Variants in MCF2L2 observed in about 807,000 individuals in gnomAD.
MCF2L2 encodes the protein MCF.2 cell line derived transforming sequence-like 2.
Under a neutral mutation model 150.2 loss-of-function variants are expected in MCF2L2, and 102 were observed. That is an observed-to-expected ratio of 0.68 (90% CI 0.58 to 0.80). MCF2L2 has a LOEUF of 0.80. MCF2L2 is among the 30% of genes least tolerant of loss of function. The pLI is 0.00. For missense variants in MCF2L2, 1,256 were observed against 1,372.8 expected (o/e 0.91, Z 1.34); for synonymous variants, 465 against 491.3 (o/e 0.95, Z 0.71).
At chr3:183,423,850 G>A (rs933073176) in intron 1 of MCF2L2, among the ~76,000 whole-genome samples, 1 of 151,882 alleles carries the variant, frequency 6.6e-6, no homozygotes, top group Non-Finnish European at 1.5e-5. Context: ...CTGAACTCCC[G>A]ACCTCAGGTG....
At chr3:183,218,503 CG>C (rs1723027852) in intron 21 of MCF2L2, among the ~76,000 whole-genome samples, 1 of 151,886 alleles carries the variant, frequency 6.6e-6, no homozygotes, top group South Asian at 2.1e-4. Context: ...GGCGTGGTGG[CG>C]GGTGCCTGTA....
chr3:183,295,465 T>C lies in MCF2L2; in HGVS notation c.1510A>G (p.Lys504Glu). The C allele has an allele frequency of 6.2e-7, 1 of 1,614,080 alleles. No individual in the cohort carries two copies. The highest frequency in any genetic ancestry group is 8.5e-7 in the Non-Finnish European group (1 of 1,179,996). Residue 504 changes from lysine to glutamate, a missense_variant, in exon 13 of 30, where the codon AAA becomes GAA. By Grantham distance (56) the Lys-to-Glu change is moderately conservative. Coordinates refer to ENST00000328913, the MANE Select transcript of MCF2L2 (RefSeq NM_015078.4). ...LTLDAKAKAQ[K>E]VLQRLDDVQE... is the part of the protein sequence containing the mutation. ...ACATCATCCAGCCTCTGCAAAACTT[T>C]CTGGGCTTTGGCCTACAGTAACAAA...
intron 22 of MCF2L2, 91 bp downstream of exon 22, chr3:183,215,878 G>A (rs1188335884): frequency 1.8e-5 from 26 of 1,439,342 alleles, no homozygotes; most frequent in East Asian, 1.5e-4. Context: ...TACCATAGAC[G>A]ATCTCTCTGA....
intron 9 of MCF2L2, 118 bp downstream of exon 9, chr3:183,310,797 T>G: frequency 1.5e-6 from 1 of 670,044 alleles, no homozygotes; most frequent in Non-Finnish European, 2.6e-6. Context: ...AGCAAGGAGA[T>G]AAGGAGAAAG....
intron 7 of MCF2L2, among the ~76,000 whole-genome samples, chr3:183,313,343 AG>A (rs1729464286): frequency 1.3e-5 from 2 of 152,184 alleles, no homozygotes; most frequent in Non-Finnish European, 2.9e-5. Flanking sequence ...GAGACACTGG[AG>A]GGGGAAGCTG....
chr3:183,281,594 C>G (rs1322390868), intron 14 of MCF2L2, among the ~76,000 whole-genome samples: 3 of 152,088 alleles, frequency 2.0e-5, no homozygotes, highest in Non-Finnish European at 2.9e-5. Flanking sequence ...ACAACTATTT[C>G]CAGGAGAGTT....
At chr3:183,282,694 A>G (rs1319951205) in intron 14 of MCF2L2, among the ~76,000 whole-genome samples, 1 of 152,224 alleles carries the variant, frequency 6.6e-6, no homozygotes, top group Non-Finnish European at 1.5e-5. Context: ...AGCTCCATGG[A>G]TAAATTTCAT....
intron 3 of MCF2L2, among the ~76,000 whole-genome samples, chr3:183,367,940 C>T (rs1317394035): frequency 6.6e-6 from 1 of 152,156 alleles, no homozygotes. Context: ...ATGGAGCTAA[C>T]CACCATTATA....
At chr3:183,258,938 T>C (rs144906089) in intron 15 of MCF2L2, among the ~76,000 whole-genome samples, 6 of 152,326 alleles carry the variant, frequency 3.9e-5, no homozygotes, top group African/African-American at 9.6e-5. Flanking sequence ...TAATGCAATA[T>C]AAATGCTATG....
chr3:183,417,141 A>T (rs1168802236), intron 1 of MCF2L2, among the ~76,000 whole-genome samples: 1 of 142,348 alleles, frequency 7.0e-6, no homozygotes, highest in Non-Finnish European at 1.5e-5. Context: ...AAAAAAAAAA[A>T]AAAATGGTAA....
chr3:183,216,172 A>G, intron 21 of MCF2L2, 78 bp from the exon 22 acceptor site: 1 of 1,523,128 alleles, frequency 6.6e-7, no homozygotes, highest in African/African-American at 1.4e-5. Context: ...GACAGAGATG[A>G]GGAGCCAGGG....
At chr3:183,348,683 TACACCATGCTATCACTAGTCATAAGAA>T (rs1385017565) in intron 3 of MCF2L2, among the ~76,000 whole-genome samples, 5 of 152,174 alleles carry the variant, frequency 3.3e-5, no homozygotes, top group Admixed American at 2.0e-4. Flanking sequence ...TAGTAAAACA[TACACCATGCTATCACTAGTCATAAGAA>T]AGCCAATGTG....
At chr3:183,351,209 TATATATATATATATATATATATATA>T (rs1560034880) in intron 3 of MCF2L2, among the ~76,000 whole-genome samples, 6 of 78,764 alleles carry the variant, frequency 7.6e-5, no homozygotes, top group Non-Finnish European at 1.4e-4. Flanking sequence ...TATATATATA[TATATATATATATATATATATATATA>T]TATTTATTTA....
At chr3:183,199,555 A>G (rs2108640642) in intron 25 of MCF2L2, among the ~76,000 whole-genome samples, 1 of 152,274 alleles carries the variant, frequency 6.6e-6, no homozygotes, top group East Asian at 1.9e-4. Flanking sequence ...TCTTTGTGAA[A>G]GCATGGAAAA....
chr3:183,216,754 G>A (rs1427578566), intron 21 of MCF2L2, among the ~76,000 whole-genome samples: 16 of 149,776 alleles, frequency 1.1e-4, no homozygotes, highest in South Asian at 6.3e-4. Flanking sequence ...ACAGGTGTGC[G>A]CCACCATGCC....
At chr3:183,413,745 C>G (rs113384678) in intron 1 of MCF2L2, among the ~76,000 whole-genome samples, 2,210 of 152,312 alleles carry the variant, frequency 0.015, 53 homozygotes, top group African/African-American at 0.05. Context: ...AATAAATCAG[C>G]TTGCCTGAAC....
At chr3:183,303,463 T>C (rs2108501545) in intron 10 of MCF2L2, among the ~76,000 whole-genome samples, 1 of 152,306 alleles carries the variant, frequency 6.6e-6, no homozygotes, top group South Asian at 2.1e-4. Flanking sequence ...TGCACTGCTT[T>C]AGCTGTTTAC....
intron 15 of MCF2L2, among the ~76,000 whole-genome samples, chr3:183,231,828 C>G (rs753616742): frequency 1.6e-4 from 24 of 152,142 alleles, no homozygotes; most frequent in Admixed American, 2.6e-4. Flanking sequence ...TAGCTCCTTC[C>G]TCTGGCATTG....
chr3:183,255,841 A>T (rs1201510169), intron 15 of MCF2L2, among the ~76,000 whole-genome samples: 2 of 152,056 alleles, frequency 1.3e-5, no homozygotes, highest in African/African-American at 4.8e-5. Context: ...AAACTTTCTA[A>T]TTCTCAAAAA....
Sources: allele counts gnomAD v4.1 joint callset (sites outside exome capture counted in the v4.1 genomes callset), GRCh38; gene constraint gnomAD v4.1.1; transcripts MANE v1.5; gene names NCBI Gene and HGNC (gene_info 2026-07-23, HGNC 2026-07-21).